Variants in FAM149B1 observed in about 807,000 individuals in gnomAD.
FAM149B1 encodes the protein family with sequence similarity 149 member B1.
FAM149B1 carries 56 observed loss-of-function variants against 75.3 expected under a neutral mutation model. The ratio of observed to expected loss-of-function variants is 0.74; its 90% CI spans 0.60 to 0.93. FAM149B1 has a LOEUF of 0.93. Ranked by LOEUF, FAM149B1 falls within the 40% of genes least tolerant of loss-of-function variation. FAM149B1 has a pLI of 0.00. For synonymous variants in FAM149B1, 259 were observed against 256.1 expected (o/e 1.01, Z -0.11); for missense variants, 639 against 708.4 (o/e 0.90, Z 1.11).
chr10:73,208,622 T>C lies in FAM149B1; in HGVS notation c.546T>C (p.Phe182=). The C allele has an allele frequency of 6.7e-7, 1 of 1,500,530 alleles. No individual in the cohort carries two copies. 93.0% of individuals were successfully genotyped at this position (1,500,530 alleles called of 1,614,324 possible). The change falls in exon 6 of 14, where the codon TTT becomes TTC. Residue 182 remains phenylalanine, a synonymous_variant. Coordinates refer to ENST00000242505, the MANE Select transcript of FAM149B1 (RefSeq NM_173348.2). The stretch of plus-strand genomic sequence containing the variant: ...TACTTCTTTTTTCCACTCCAAGATT[T>C]GGTATAAGGGGAAAGAAGTTACATT... ...TLSQERDSTI[F]GIRGKKLHFS...
rs555160118 is a variant in FAM149B1 at position 73,183,027 on chromosome 10, C to T, written c.282+5052C>T. Among the ~76,000 whole-genome samples, 37 of 152,260 alleles carry T rather than the reference C, an allele frequency of 2.4e-4. No homozygotes were observed. The South Asian group carries it at 7.7e-3, about 32-fold the overall frequency. The stretch of plus-strand genomic sequence containing the variant: ...AGATCCCCTCCTGTTGTCTCTGTCT[C>T]CCTGCCTGGGGACAATTTTCTGACT... On this transcript the variant is annotated intron_variant, in intron 3 of 13. Coordinates refer to ENST00000242505, the MANE Select transcript of FAM149B1 (RefSeq NM_173348.2).
intron 5 of FAM149B1, among the ~76,000 whole-genome samples, chr10:73,196,094 T>C (rs1194727502): frequency 6.6e-6 from 1 of 152,216 alleles, no homozygotes; most frequent in East Asian, 1.9e-4. Flanking sequence ...CTAGTACCTT[T>C]GGTTTTGTTT....
intron 7 of FAM149B1, among the ~76,000 whole-genome samples, chr10:73,219,853 A>C (rs983740337): frequency 6.6e-6 from 1 of 152,178 alleles, no homozygotes; most frequent in East Asian, 1.9e-4. Flanking sequence ...TTGACATTAC[A>C]TTCTTTAGAT....
Position 73,234,761 on chromosome 10 carries a change from G to A in FAM149B1, c.1353-56G>A, listed in dbSNP as rs1417663043. 16 of 1,529,194 alleles carry A rather than the reference G, an allele frequency of 1.0e-5. No individual in the cohort carries two copies. The South Asian group carries it at 1.9e-4, about 19-fold the overall frequency. The allele number at this position is 1,529,194 out of a possible 1,614,324, so 94.7% of individuals were successfully genotyped here. A position where few individuals can be genotyped will look rare whatever the true frequency, so the allele number is the denominator to read the frequency against. On this transcript the variant is annotated intron_variant, in intron 10 of 13. Coordinates refer to ENST00000242505, the MANE Select transcript of FAM149B1 (RefSeq NM_173348.2). The stretch of plus-strand genomic sequence containing the variant: ...TTATCTGATTTCTAATCAATTTGCT[G>A]GTATTGTTATAACTTCATGCTTTCA...
chr10:73,168,354 C>CACT lies in FAM149B1; in HGVS notation c.16_18dup (p.Thr6dup). The stretch of plus-strand genomic sequence containing the variant: ...GGAGGAGGAGGATGATCTCCAGATA[C>CACT]ACTCGGAAGGCGGTGCCACAGAGCT... On this transcript the variant is annotated inframe_insertion, in exon 1 of 14. Transcript: ENST00000242505. The CACT allele has an allele frequency of 6.5e-7, 1 of 1,549,932 alleles. No individual in the cohort carries two copies. Among genetic ancestry groups the CACT allele is most frequent in the Non-Finnish European group, 8.7e-7 (1 of 1,146,814 alleles).
At chr10:73,239,219 CTGT>C in intron 12 of FAM149B1, 90 bp from the exon 13 acceptor site, 1 of 1,055,094 alleles carries the variant, frequency 9.5e-7, no homozygotes, top group Non-Finnish European at 1.4e-6. Flanking sequence ...CCTTTTACCA[CTGT>C]TGATTTCAAG....
Position 73,230,491 on chromosome 10 carries a change from C to A in FAM149B1, c.1093C>A (p.Gln365Lys), listed in dbSNP as rs753919394. 6.5e-7 allele frequency: 1 copy of A among 1,546,856 alleles called. No homozygotes were observed. The highest frequency in any genetic ancestry group is 1.2e-5 in the South Asian group (1 of 83,956). The change falls in exon 9 of 14, where the codon CAG becomes AAG. Residue 365 changes from glutamine (Q) to lysine (K), a missense_variant. Transcript: ENST00000242505. The stretch of plus-strand genomic sequence containing the variant: ...TCTCTTGGTTCATGGAATGCCTCTA[C>A]AGCCAAGAAATCTCTCCCTAATGGA... Reference protein sequence around the residue: ...NDLLVHGMPLQPRNLSLMDKL... With the variant: ...NDLLVHGMPLKPRNLSLMDKL...
chr10:73,213,409 G>A (rs559038712), intron 7 of FAM149B1, among the ~76,000 whole-genome samples: 11 of 152,224 alleles, frequency 7.2e-5, no homozygotes, highest in African/African-American at 2.6e-4. Context: ...CCTGGACAAT[G>A]TCCAGAAGAC....
At chr10:73,186,868 G>C (rs1244969814) in intron 3 of FAM149B1, among the ~76,000 whole-genome samples, 1 of 152,114 alleles carries the variant, frequency 6.6e-6, no homozygotes, top group East Asian at 1.9e-4. Context: ...TGGTGGCCAG[G>C]GGCTGGGCAG....
At chr10:73,174,518 T>C (rs1843855011) in intron 1 of FAM149B1, among the ~76,000 whole-genome samples, 169 bp from the exon 2 acceptor site, 1 of 152,216 alleles carries the variant, frequency 6.6e-6, no homozygotes, top group African/African-American at 2.4e-5. Context: ...CCAATGTGTT[T>C]TACACTTAAA....
chr10:73,200,719 GA>G, intron 5 of FAM149B1: 5 of 467,864 alleles, frequency 1.1e-5, no homozygotes, highest in Admixed American at 2.7e-5. Context: ...AAATTCTGGT[GA>G]AAAAGGAAGA....
At chr10:73,194,301 G>A (rs1389413964) in intron 5 of FAM149B1, among the ~76,000 whole-genome samples, 1 of 152,036 alleles carries the variant, frequency 6.6e-6, no homozygotes. Context: ...TGGCATAAAT[G>A]TGTAAATAGA....
chr10:73,196,567 C>G lies in FAM149B1; in HGVS notation c.542+2974C>G, dbSNP rs569219287. Among the ~76,000 whole-genome samples the G allele has an allele frequency of 2.0e-5, 3 of 152,206 alleles. No individual in the cohort carries two copies. In the East Asian group the frequency reaches 5.8e-4, roughly 29 times the overall value. On this transcript the variant is annotated intron_variant, in intron 5 of 13. Transcript: ENST00000242505. ...GTCATAAAATATAAGATTTATCAAC[C>G]GCTAAGACTTTCTATAAAAATAACA... is the stretch of plus-strand genomic sequence containing the variant.
At chr10:73,200,954 G>T (rs546932026) in intron 5 of FAM149B1, 2 of 439,334 alleles carry the variant, frequency 4.6e-6, no homozygotes, top group East Asian at 5.5e-5. Context: ...ACTATCATGA[G>T]GGAATTCTGA....
At chr10:73,174,635 A>T in intron 1 of FAM149B1, 52 bp from the exon 2 acceptor site, 1 of 1,285,316 alleles carries the variant, frequency 7.8e-7, no homozygotes, top group Non-Finnish European at 1.1e-6. Flanking sequence ...AAATTATTGA[A>T]TTGTATGTAT....
intron 7 of FAM149B1, among the ~76,000 whole-genome samples, chr10:73,226,281 T>C (rs1016634501): frequency 6.6e-6 from 1 of 151,800 alleles, no homozygotes; most frequent in African/African-American, 2.4e-5. Flanking sequence ...CCGAGGCGGG[T>C]GGATCATGAG....
rs531662490 is a variant in FAM149B1, at chr10:73,192,010, G to T, written c.283-546G>T. 1.2e-4 allele frequency among the ~76,000 whole-genome samples: 18 copies of T among 151,582 alleles called. No individual in the cohort carries two copies. The East Asian group carries it at 2.7e-3, about 23-fold the overall frequency. On this transcript the variant is annotated intron_variant, in intron 3 of 13. Transcript: ENST00000242505. ...GTGCCTCCCAGGTCAAGCAATTCTT[G>T]TGCCTTAGCCTCCCAAGTAGCTAGG...
intron 9 of FAM149B1, among the ~76,000 whole-genome samples, chr10:73,232,182 C>CTT (rs1202799710): frequency 7.2e-5 from 11 of 151,890 alleles, no homozygotes; most frequent in African/African-American, 1.9e-4. Flanking sequence ...TCTTAGATGT[C>CTT]TTAAAATAGT....
chr10:73,202,765 A>G (rs1022261319), intron 5 of FAM149B1, among the ~76,000 whole-genome samples: 1 of 151,502 alleles, frequency 6.6e-6, no homozygotes, highest in Non-Finnish European at 1.5e-5. Flanking sequence ...ATCTCAGCTC[A>G]TTACAGCCTT....
Sources: gnomAD v4.1 joint callset for allele counts (sites outside exome capture counted in the v4.1 genomes callset) on GRCh38, gnomAD v4.1.1 for gene constraint, MANE v1.5 for transcripts, NCBI Gene and HGNC (gene_info 2026-07-23, HGNC 2026-07-21) for gene names.